MSI1: variants seen among roughly 807,000 people sequenced by gnomAD.
MSI1 encodes musashi RNA binding protein 1.
Under a neutral mutation model 54.4 loss-of-function variants are expected in MSI1, and 15 were observed. The ratio of observed to expected loss-of-function variants is 0.28; its 90% CI spans 0.18 to 0.42. The LOEUF (loss-of-function observed/expected upper bound fraction) is 0.42, where lower values mean the gene tolerates loss of function less well. Ranked by LOEUF, MSI1 falls within the 20% of genes least tolerant of loss-of-function variation. The pLI is 1.00. For synonymous variants in MSI1, 200 were observed against 196.5 expected (o/e 1.02, Z -0.15); for missense variants, 304 against 506.0 (o/e 0.60, Z 3.83).
rs142908498 is a variant in MSI1 at position 120,343,968 on chromosome 12, T to A, written c.*22-863A>T. Among the ~76,000 whole-genome samples the A allele has an allele frequency of 3.1e-3, 471 of 152,256 alleles. 2 individuals carry two copies. Among genetic ancestry groups the A allele is most frequent in the African/African-American group, 0.011 (441 of 41,546 alleles). On this transcript the variant is annotated intron_variant, in intron 14 of 14. Transcript: ENST00000257552. ...GCTTTCTGGGTTCAAGCGATTCTTG[T>A]CCCTCAGCCTCCCGAGTAGCTGAGA...
At chr12:120,340,089 C>CTTTTTT (rs11399604), downstream of MSI1, among the ~76,000 whole-genome samples, 1 of 144,736 alleles carries the variant, frequency 6.9e-6, no homozygotes, top group Non-Finnish European at 1.5e-5. Context: ...GCCAAAATAG[C>CTTTTTT]TTTTTTTTTT....
At chr12:120,359,365 A>T (rs1196041984) in intron 6 of MSI1, among the ~76,000 whole-genome samples, 2 of 152,228 alleles carry the variant, frequency 1.3e-5, no homozygotes, top group Admixed American at 1.3e-4. Flanking sequence ...AAGATCACAC[A>T]GCAAGACCTT....
At chr12:120,360,103 A>T (rs1476355240) in intron 6 of MSI1, among the ~76,000 whole-genome samples, 1 of 152,060 alleles carries the variant, frequency 6.6e-6, no homozygotes, top group Non-Finnish European at 1.5e-5. Flanking sequence ...CTCCTGCCTC[A>T]GCCTCCTGAG....
At chr12:120,345,397 A>G (rs1370077195) in intron 14 of MSI1, among the ~76,000 whole-genome samples, 173 bp downstream of exon 14, 1 of 152,130 alleles carries the variant, frequency 6.6e-6, no homozygotes, top group East Asian at 1.9e-4. Flanking sequence ...CTGTGTTTAA[A>G]TGGAGTAGGG....
chr12:120,359,929 A>G (rs910437654), intron 6 of MSI1, among the ~76,000 whole-genome samples: 4 of 151,962 alleles, frequency 2.6e-5, no homozygotes, highest in Non-Finnish European at 4.4e-5. Flanking sequence ...CCATCAAGCC[A>G]TGGGTAACCA....
chr12:120,357,160 T>G, intron 8 of MSI1, 141 bp from the exon 9 acceptor site: 1 of 746,338 alleles, frequency 1.3e-6, no homozygotes, highest in East Asian at 2.5e-5. Flanking sequence ...GATGGAGCAC[T>G]CACTATGTGC....
At position 120,342,511 on chromosome 12, in the gene MSI1, G is replaced by C. The variant is rs1405955048; in HGVS notation, c.*616C>G. On this transcript the variant is annotated 3_prime_UTR_variant, in exon 15 of 15. Transcript: ENST00000257552. ...CCCCGCAGCCCTGCCCTCCTCTCCA[G>C]GGCTGGAGGGAGGCGGCCAGGGGCC... 6.6e-6 allele frequency: 1 copy of C among 152,452 alleles called. No individual in the cohort carries two copies. Among genetic ancestry groups the C allele is most frequent in the Non-Finnish European group, 1.5e-5 (1 of 68,008 alleles). 9.4% of individuals were successfully genotyped at this position (152,452 alleles called of 1,614,324 possible). A position where few individuals can be genotyped will look rare whatever the true frequency, so the allele number is the denominator to read the frequency against.
intron 6 of MSI1, among the ~76,000 whole-genome samples, chr12:120,360,993 A>C (rs1366711628): frequency 6.6e-6 from 1 of 152,110 alleles, no homozygotes; most frequent in Non-Finnish European, 1.5e-5. Context: ...TAACACTCTT[A>C]ACTCACAGAC....
rs1448728407 is a variant in MSI1, at chr12:120,368,819, C to T, written c.100+14G>A. On this transcript the variant is annotated intron_variant, in intron 2 of 14. Coordinates refer to ENST00000257552, the MANE Select transcript of MSI1 (RefSeq NM_002442.4). This position sits in a 1 kb window ranked among gnomAD's most constrained non-coding sequence, Gnocchi z 6.6. ...TGCCCTGCCGGACCGGCGGGCGCTC[C>T]CGGGCTCGCTCACCCTGCGTAGTCT... 1.4e-6 allele frequency: 2 copies of T among 1,418,354 alleles called. No homozygotes were observed. The highest frequency in any genetic ancestry group is 4.7e-5 in the Admixed American group (2 of 42,428). The allele number at this position is 1,418,354 out of a possible 1,614,324, so 87.9% of individuals were successfully genotyped here. A position where few individuals can be genotyped will look rare whatever the true frequency, so the allele number is the denominator to read the frequency against.
chr12:120,344,725 G>C (rs1330886883), intron 14 of MSI1, among the ~76,000 whole-genome samples: 22 of 135,828 alleles, frequency 1.6e-4, no homozygotes. Flanking sequence ...AATAATAATA[G>C]GGCTGGGCAC....
At chr12:120,364,792 A>G in intron 4 of MSI1, 37 bp from the exon 5 acceptor site, 1 of 1,574,812 alleles carries the variant, frequency 6.3e-7, no homozygotes, top group Non-Finnish European at 8.6e-7. Flanking sequence ...GGTCTTGGTT[A>G]TCGCATTTTT....
At chr12:120,367,837 C>T (rs1361362033) in intron 4 of MSI1, among the ~76,000 whole-genome samples, 171 bp downstream of exon 4, 4 of 152,088 alleles carry the variant, frequency 2.6e-5, no homozygotes, top group Admixed American at 2.0e-4. Context: ...TCTCCTCCCT[C>T]TCCCCCCCAA....
At chr12:120,346,778 C>T (rs1209827232) in intron 12 of MSI1, among the ~76,000 whole-genome samples, 9 of 152,166 alleles carry the variant, frequency 5.9e-5, no homozygotes, top group Admixed American at 5.9e-4. Flanking sequence ...GTTAAGAGGC[C>T]CTTCCTCTTG....
intron 14 of MSI1, among the ~76,000 whole-genome samples, chr12:120,344,002 G>A (rs1456250898): frequency 6.6e-6 from 1 of 152,098 alleles, no homozygotes; most frequent in Admixed American, 6.6e-5. Flanking sequence ...GATTACAAGT[G>A]CGCACCATCA....
chr12:120,355,589 C>T (rs1178685528), intron 9 of MSI1, among the ~76,000 whole-genome samples: 1 of 152,154 alleles, frequency 6.6e-6, no homozygotes, highest in Non-Finnish European at 1.5e-5. Flanking sequence ...TGTGTCTATA[C>T]ATGTGTACAT....
intron 6 of MSI1, among the ~76,000 whole-genome samples, chr12:120,359,494 C>A (rs924678118): frequency 2.0e-5 from 3 of 152,186 alleles, no homozygotes; most frequent in African/African-American, 4.8e-5. Context: ...AGGACAGCAA[C>A]CAGACTGGAC....
chr12:120,345,909 T>C (rs1874075744), intron 13 of MSI1, among the ~76,000 whole-genome samples: 1 of 152,084 alleles, frequency 6.6e-6, no homozygotes, highest in African/African-American at 2.4e-5. Flanking sequence ...ATGCCATGTG[T>C]CTCATTTGCA....
intron 9 of MSI1, among the ~76,000 whole-genome samples, chr12:120,355,913 T>C (rs149132119): frequency 1.2e-3 from 186 of 151,952 alleles, no homozygotes; most frequent in East Asian, 6.4e-3. Flanking sequence ...CACTCCCCCA[T>C]GCCTGGCATA....
At chr12:120,363,920 G>A (rs1005264983) in intron 5 of MSI1, among the ~76,000 whole-genome samples, 3 of 152,200 alleles carry the variant, frequency 2.0e-5, no homozygotes, top group Non-Finnish European at 4.4e-5. Context: ...GGAGGAAACC[G>A]AACTCTCCTA....
Sources: gnomAD v4.1 joint callset for allele counts (sites outside exome capture counted in the v4.1 genomes callset) on GRCh38, gnomAD v4.1.1 for gene constraint, Gnocchi (gnomAD v3.1) non-coding constraint, MANE v1.5 for transcripts, NCBI Gene and HGNC (gene_info 2026-07-23, HGNC 2026-07-21) for gene names.